The following ZNF536 variants were observed in gnomAD, a reference collection of about 807,000 sequenced individuals.
ZNF536 encodes the protein zinc finger protein 536.
A neutral mutation model predicts 84.5 loss-of-function variants in ZNF536; 13 were observed. The observed-to-expected ratio is 0.15, with a 90% CI of 0.10 to 0.24. The LOEUF (loss-of-function observed/expected upper bound fraction) is 0.24. Ranked by LOEUF, ZNF536 falls within the 10% of genes least tolerant of loss-of-function variation. The pLI is 1.00. For missense variants in ZNF536, 1,536 were observed against 1,747.5 expected (o/e 0.88, Z 2.16); for synonymous variants, 811 against 742.5 (o/e 1.09, Z -1.50).
chr19:30,449,317 G>T lies in ZNF536; in HGVS notation c.2170+3585G>T, dbSNP rs74985775. Among the ~76,000 whole-genome samples, 4 of 152,268 alleles carry T rather than the reference G, an allele frequency of 2.6e-5. No homozygotes were observed. In the East Asian group the frequency reaches 7.7e-4, roughly 29 times the overall value. On this transcript the variant is annotated intron_variant, in intron 2 of 4. Transcript: ENST00000355537. ...TACTTTTATGGCATTTAGAAAGCGGGGTGGCTGTTTCGATGCCTCCTCATT... is the reference window on the plus strand; with the variant it reads ...TACTTTTATGGCATTTAGAAAGCGGTGTGGCTGTTTCGATGCCTCCTCATT...
chr19:30,405,104 G>A (rs2050211830), intron 1 of ZNF536, among the ~76,000 whole-genome samples: 1 of 152,174 alleles, frequency 6.6e-6, no homozygotes, highest in South Asian at 2.1e-4. Context: ...GAACCTCAAG[G>A]CATTCAGCTA....
At chr19:30,666,682 C>T (rs2050332374) in intron 1 of ZNF536, among the ~76,000 whole-genome samples, 1 of 151,702 alleles carries the variant, frequency 6.6e-6, no homozygotes, top group African/African-American at 2.4e-5. Flanking sequence ...ATCTAGTTTC[C>T]CTTGCCTCAG....
At chr19:30,439,699 G>C (rs1343419317) in intron 1 of ZNF536, among the ~76,000 whole-genome samples, 1 of 152,102 alleles carries the variant, frequency 6.6e-6, no homozygotes, top group Non-Finnish European at 1.5e-5. Flanking sequence ...GCTTATTCAA[G>C]GGCTGGGGAC....
intron 1 of ZNF536, among the ~76,000 whole-genome samples, chr19:30,680,234 T>TTTTTATTTTA (rs10677137): frequency 0.023 from 3,353 of 148,098 alleles, 48 homozygotes; most frequent in East Asian, 0.042. Flanking sequence ...ATGATTATTA[T>TTTTTATTTTA]TTTTATTTTA....
intron 1 of ZNF536, among the ~76,000 whole-genome samples, chr19:30,601,167 T>A (rs2047670203): frequency 6.6e-6 from 1 of 152,138 alleles, no homozygotes; most frequent in Non-Finnish European, 1.5e-5. Flanking sequence ...AAAAGGAAAC[T>A]TTTATTTGAC....
intron 2 of ZNF536, among the ~76,000 whole-genome samples, chr19:30,451,682 T>G (rs2052614815): frequency 6.6e-6 from 1 of 152,150 alleles, no homozygotes; most frequent in Admixed American, 6.5e-5. Context: ...GGGATTAGAT[T>G]CGAGGCCGCG....
chr19:30,241,442 T>C (rs1334536068), intron 1 of ZNF536, among the ~76,000 whole-genome samples: 3 of 152,138 alleles, frequency 2.0e-5, no homozygotes, highest in African/African-American at 7.2e-5. Flanking sequence ...GTGGCTGTAA[T>C]GTCACACCAG....
At chr19:30,309,895 T>C (rs1003885405) in intron 2 of ZNF536, among the ~76,000 whole-genome samples, 1 of 151,918 alleles carries the variant, frequency 6.6e-6, no homozygotes, top group Non-Finnish European at 1.5e-5. Context: ...TTCTGGGTGG[T>C]GGTCTTTTGG....
At chr19:30,578,603 C>G (rs1055837974) in intron 1 of ZNF536, among the ~76,000 whole-genome samples, 1 of 152,214 alleles carries the variant, frequency 6.6e-6, no homozygotes, top group Non-Finnish European at 1.5e-5. Context: ...TTGGGCACTG[C>G]TCATGCAATG....
chr19:30,285,576 G>C (rs2045596928), intron 2 of ZNF536, among the ~76,000 whole-genome samples: 1 of 152,192 alleles, frequency 6.6e-6, no homozygotes, highest in Non-Finnish European at 1.5e-5. Flanking sequence ...GTCTGCCAGT[G>C]AATCGGAGGT....
chr19:30,401,607 A>T (rs1037515172), intron 1 of ZNF536, among the ~76,000 whole-genome samples: 3 of 152,260 alleles, frequency 2.0e-5, no homozygotes, highest in African/African-American at 7.2e-5. Flanking sequence ...GGATTTTCTG[A>T]AACAGATTTT....
rs114308497 is a variant in ZNF536, at chr19:30,318,276, A to G, written c.-119-34092A>G. On this transcript the variant is annotated intron_variant, in intron 2 of 5. Transcript: ENST00000585628. ...TATGACAGCCTTCAAGGAGCTTACA[A>G]TGCATGAAGATGGGGTGATATCAAA... 3.1e-3 allele frequency among the ~76,000 whole-genome samples: 477 copies of G among 152,358 alleles called. 1 individual carries two copies. Among genetic ancestry groups the G allele is most frequent in the African/African-American group, 0.011 (451 of 41,584 alleles).
intron 2 of ZNF536, among the ~76,000 whole-genome samples, chr19:30,485,773 T>C (rs1243330249): frequency 1.3e-5 from 2 of 152,220 alleles, no homozygotes; most frequent in Non-Finnish European, 2.9e-5. Context: ...CTTTGTAAAG[T>C]AGAAAATCAA....
At position 30,443,628 on chromosome 19, in the gene ZNF536, T is replaced by C; in HGVS notation, c.66T>C (p.Ser22=). 6.2e-7 allele frequency: 1 copy of C among 1,607,544 alleles called. No individual in the cohort carries two copies. The highest frequency in any genetic ancestry group is 1.1e-5 in the South Asian group (1 of 89,782). Residue 22 remains serine, a synonymous_variant, in exon 2 of 5, where the codon AGT becomes AGC. Transcript: ENST00000355537. ...AGCCGGAAGCTGAGCCCCACCTGAGTGGCCCCGTCCTCAACGGCCAGTATG... is the reference window on the plus strand; with the variant it reads ...AGCCGGAAGCTGAGCCCCACCTGAGCGGCCCCGTCCTCAACGGCCAGTATG... ...SAEPEAEPHL[S]GPVLNGQYAM... is the part of the protein sequence containing the mutation.
chr19:30,320,757 C>A (rs2046828120), intron 2 of ZNF536, among the ~76,000 whole-genome samples: 2 of 152,126 alleles, frequency 1.3e-5, no homozygotes, highest in Admixed American at 6.5e-5. Context: ...GATTTATTTT[C>A]TCCGTGAAAC....
At chr19:30,596,918 T>C (rs992197032) in intron 1 of ZNF536, among the ~76,000 whole-genome samples, 3 of 152,136 alleles carry the variant, frequency 2.0e-5, no homozygotes, top group East Asian at 1.9e-4. Context: ...CTAGCTTCTC[T>C]CTCCACCTGA....
intron 2 of ZNF536, among the ~76,000 whole-genome samples, chr19:30,477,801 CCTT>C (rs2144768278): frequency 6.6e-6 from 1 of 152,258 alleles, no homozygotes. Flanking sequence ...GTAGTTATCA[CCTT>C]CTAGAATAAA....
intron 2 of ZNF536, among the ~76,000 whole-genome samples, chr19:30,523,232 C>T (rs566203165): frequency 6.6e-6 from 1 of 152,296 alleles, no homozygotes; most frequent in African/African-American, 2.4e-5. Flanking sequence ...CTGCCCCCTC[C>T]CCATGCCATC....
chr19:30,336,640 G>A (rs1473904680), intron 2 of ZNF536, among the ~76,000 whole-genome samples: 1 of 152,120 alleles, frequency 6.6e-6, no homozygotes, highest in East Asian at 1.9e-4. Context: ...GCCAAGGTGT[G>A]CAGGTAGGAC....
Sources: gnomAD v4.1 joint callset for allele counts (sites outside exome capture counted in the v4.1 genomes callset) on GRCh38, gnomAD v4.1.1 for gene constraint, MANE v1.5 for transcripts, NCBI Gene and HGNC (gene_info 2026-07-23, HGNC 2026-07-21) for gene names.